Variants in GLRA2 observed in about 807,000 individuals in gnomAD.
GLRA2 encodes glycine receptor alpha 2, also known as glycine receptor subunit alpha-2.
GLRA2 carries 11 observed loss-of-function variants against 31.6 expected under a neutral mutation model. The ratio of observed to expected loss-of-function variants is 0.35; its 90% CI spans 0.22 to 0.58. The LOEUF (loss-of-function observed/expected upper bound fraction) is 0.58, where lower values mean the gene tolerates loss of function less well. GLRA2 is among the 20% of genes least tolerant of loss of function. GLRA2 has a pLI of 0.84. For synonymous variants in GLRA2, 132 were observed against 134.0 expected (o/e 0.99, Z 0.10); for missense variants, 212 against 351.8 (o/e 0.60, Z 3.18).
chrX:14,616,562 T>C (rs1278268036), intron 7 of GLRA2, among the ~76,000 whole-genome samples: 1 of 111,728 alleles, frequency 9.0e-6, no homozygotes, highest in African/African-American at 3.2e-5. Context: ...TTTGCCACAT[T>C]TGGTCTTGCT....
In GLRA2 at chrX:14,730,421, T is replaced by C; in HGVS notation, c.1295T>C (p.Ile432Thr). Residue 432 changes from isoleucine to threonine, a missense_variant, in exon 9 of 9, where the codon ATT becomes ACT. Ile to Thr is a moderately conservative substitution (Grantham distance 89, BLOSUM62 -1). Around this residue, in one of 5 missense-constraint regions of GLRA2, gnomAD observed 42 missense variants for 52.0 expected, o/e 0.81. Coordinates refer to ENST00000218075, the MANE Select transcript of GLRA2 (RefSeq NM_002063.4). ...GCTGCCTTCCCATTGGCCTTCCTCA[T>C]TTTCAACATCTTTTACTGGATCACA... ...SRAAFPLAFLIFNIFYWITYK... is the reference protein window; with the variant it reads ...SRAAFPLAFLTFNIFYWITYK... 6 of 1,205,983 alleles carry C rather than the reference T, an allele frequency of 5.0e-6. No homozygotes were observed. The highest frequency in any genetic ancestry group is 6.7e-6 in the Non-Finnish European group (6 of 890,608).
chrX:14,719,298 T>C (rs1163983213), intron 8 of GLRA2, among the ~76,000 whole-genome samples: 1 of 111,794 alleles, frequency 8.9e-6, no homozygotes, highest in African/African-American at 3.3e-5. Flanking sequence ...TTTCAAACTC[T>C]TCATCCAATA....
intron 2 of GLRA2, among the ~76,000 whole-genome samples, chrX:14,547,002 A>T (rs1024151902): frequency 8.9e-6 from 1 of 111,787 alleles, no homozygotes; most frequent in Non-Finnish European, 1.9e-5. Context: ...GTGATAGAGC[A>T]AAGCACTTGA....
chrX:14,643,739 A>G (rs1240605728), intron 7 of GLRA2, among the ~76,000 whole-genome samples: 1 of 111,690 alleles, frequency 9.0e-6, no homozygotes, highest in African/African-American at 3.3e-5. Flanking sequence ...CAACATAGGC[A>G]AGGTTCAGTA....
At chrX:14,615,789 G>A (rs367580322) in intron 7 of GLRA2, among the ~76,000 whole-genome samples, 61 of 111,698 alleles carry the variant, frequency 5.5e-4, no homozygotes, top group African/African-American at 1.9e-3. Context: ...TTTTAAACAC[G>A]TTTCAAGTAA....
At chrX:14,615,643 A>G (rs1403320158) in intron 7 of GLRA2, among the ~76,000 whole-genome samples, 2 of 111,012 alleles carry the variant, frequency 1.8e-5, no homozygotes, top group Non-Finnish European at 1.9e-5. Context: ...TACGAGGCAT[A>G]TTAAGTAGGT....
At chrX:14,496,413 C>T in the GLRA2 span, among the ~76,000 whole-genome samples, 2 of 111,392 alleles carry the variant, frequency 1.8e-5, no homozygotes, top group Non-Finnish European at 3.8e-5. Flanking sequence ...TACCATAATA[C>T]GTTTTTCTCC....
At chrX:14,583,603 G>T (rs1262728801) in intron 4 of GLRA2, among the ~76,000 whole-genome samples, 1 of 111,760 alleles carries the variant, frequency 8.9e-6, no homozygotes, top group Non-Finnish European at 1.9e-5. Context: ...GCCGGGCATG[G>T]TGGTACGTGC....
At chrX:14,691,601 C>A (rs1021462240) in intron 8 of GLRA2, among the ~76,000 whole-genome samples, 4 of 111,303 alleles carry the variant, frequency 3.6e-5, no homozygotes, top group African/African-American at 1.3e-4. Flanking sequence ...AAATCCCAAG[C>A]CTTAGACACA....
chrX:14,612,279 A>G (rs2090406712), intron 7 of GLRA2, among the ~76,000 whole-genome samples: 1 of 111,931 alleles, frequency 8.9e-6, no homozygotes, highest in South Asian at 3.7e-4. Context: ...ATGAGATACC[A>G]TCTCATGCCA....
At chrX:14,493,598 TATATACAC>T in the GLRA2 span, among the ~76,000 whole-genome samples, 3 of 104,202 alleles carry the variant, frequency 2.9e-5, no homozygotes, top group South Asian at 4.0e-4. Context: ...CATATATACA[TATATACAC>T]ATATACACAT....
chrX:14,638,613 T>C (rs1337618237), intron 7 of GLRA2, among the ~76,000 whole-genome samples: 1 of 111,438 alleles, frequency 9.0e-6, no homozygotes, highest in South Asian at 3.8e-4. Context: ...ATGTTTGGTA[T>C]CAACTTCCTG....
At chrX:14,489,193 T>G in the GLRA2 span, among the ~76,000 whole-genome samples, 1 of 112,290 alleles carries the variant, frequency 8.9e-6, no homozygotes, top group African/African-American at 3.2e-5. Context: ...GAATTGATAG[T>G]CATTTTTTGT....
Position 14,529,979 on chromosome X carries a change from G to A in GLRA2, c.-79G>A. 1 of 766,775 alleles carries A rather than the reference G, an allele frequency of 1.3e-6. No individual in the cohort carries two copies. Among genetic ancestry groups the A allele is most frequent in the Non-Finnish European group, 2.0e-6 (1 of 490,462 alleles). 63.2% of individuals were successfully genotyped at this position (766,775 alleles called of 1,213,427 possible). A position where few individuals can be genotyped will look rare whatever the true frequency, so the allele number is the denominator to read the frequency against. On this transcript the variant is annotated 5_prime_UTR_variant, in exon 1 of 9. Transcript: ENST00000218075. ...AGGTTCCTGCCAAATTTTGAATCTG[G>A]ACAATAAACAGACACTTTGTCCTAG...
chrX:14,594,113 A>C (rs1465163141), intron 4 of GLRA2, among the ~76,000 whole-genome samples: 1 of 112,080 alleles, frequency 8.9e-6, no homozygotes, highest in Non-Finnish European at 1.9e-5. Context: ...TCCATCAGTT[A>C]CCACAGTGGA....
In GLRA2 at chrX:14,696,696, C is replaced by T. The variant is rs7054532; in HGVS notation, c.1080+5837C>T. On this transcript the variant is annotated intron_variant, in intron 8 of 8. Coordinates refer to ENST00000218075, the MANE Select transcript of GLRA2 (RefSeq NM_002063.4). Reference sequence around the variant, plus strand: ...CTAATGACCTGAGCTTCAGAGACGCCAAAGGATCTGGGTTTGAGGAAGGAG... The same window carrying T: ...CTAATGACCTGAGCTTCAGAGACGCTAAAGGATCTGGGTTTGAGGAAGGAG... Among the ~76,000 whole-genome samples, 1,016 of 111,672 alleles carry T rather than the reference C, an allele frequency of 9.1e-3. 13 individuals are homozygous for T. The highest frequency in any genetic ancestry group is 0.032 in the African/African-American group (971 of 30,679).
At chrX:14,619,285 G>GTAGCTCCCTGTTGAACATCTTCCCA (rs1264477619) in intron 7 of GLRA2, among the ~76,000 whole-genome samples, 5 of 110,563 alleles carry the variant, frequency 4.5e-5, no homozygotes, top group South Asian at 3.9e-4. Flanking sequence ...ACATCTTCCC[G>GTAGCTCCCTGTTGAACATCTTCCCA]TAGCTCCCTG....
chrX:14,458,290 G>C, the GLRA2 span, among the ~76,000 whole-genome samples: 2 of 111,703 alleles, frequency 1.8e-5, no homozygotes, highest in Non-Finnish European at 3.8e-5. Flanking sequence ...ATTTGGGTTG[G>C]TTCCAAGTCT....
At chrX:14,482,745 TCACCAC>T in the GLRA2 span, among the ~76,000 whole-genome samples, 33 of 110,600 alleles carry the variant, frequency 3.0e-4, no homozygotes, top group East Asian at 5.7e-4. Context: ...ATCATAATTG[TCACCAC>T]CACCACCACC....
Sources: gnomAD v4.1 joint callset for allele counts (sites outside exome capture counted in the v4.1 genomes callset) on GRCh38, gnomAD v4.1.1 for gene constraint, gnomAD v4.1.1 regional missense constraint, MANE v1.5 for transcripts, NCBI Gene and HGNC (gene_info 2026-07-23, HGNC 2026-07-21) for gene names.